Variants in TTC23L observed in about 807,000 individuals in gnomAD.
The protein encoded by TTC23L is tetratricopeptide repeat domain 23 like.
Under a neutral mutation model 48.1 loss-of-function variants are expected in TTC23L, and 42 were observed. That is an observed-to-expected ratio of 0.87 (90% CI 0.68 to 1.13). The LOEUF is 1.13. TTC23L is among the 50% of genes most tolerant of loss of function. TTC23L has a pLI of 0.00. For missense variants in TTC23L, 391 were observed against 421.0 expected, an observed-to-expected ratio of 0.93 and a Z score of 0.62; for synonymous variants, 159 against 157.2, an observed-to-expected ratio of 1.01 and a Z score of -0.09.
At chr5:34,896,708 A>G (rs773355002) in intron 9 of TTC23L, 62 bp from the exon 10 acceptor site, 3 of 752,646 alleles carry the variant, frequency 4.0e-6, no homozygotes, top group Non-Finnish European at 7.4e-6. Flanking sequence ...GAAAGGAGAG[A>G]CAATCTATGA....
intron 8 of TTC23L, among the ~76,000 whole-genome samples, chr5:34,876,891 G>C (rs1228905935): frequency 6.6e-6 from 1 of 152,038 alleles, no homozygotes; most frequent in South Asian, 2.1e-4. Context: ...TAATGTAGAC[G>C]ACGGGTTGAT....
chr5:34,867,388 C>A, intron 7 of TTC23L: 1 of 329,846 alleles, frequency 3.0e-6, no homozygotes. Flanking sequence ...GATACAGGGA[C>A]AACCGAACTT....
chr5:34,902,421 ATAAAT>A (rs1360909260), downstream of TTC23L: 11 of 394,168 alleles, frequency 2.8e-5, no homozygotes, highest in Non-Finnish European at 5.2e-5. Context: ...CCTCTAAAAA[ATAAAT>A]TAATAATAAT....
chr5:34,921,806 C>G, the TTC23L span: 1 of 153,430 alleles, frequency 6.5e-6, no homozygotes, highest in African/African-American at 2.4e-5. Context: ...ACTCCGGAGG[C>G]TGAAGCAGGA....
chr5:34,868,392 A>T (rs72732827), intron 7 of TTC23L: 2,030 of 153,100 alleles, frequency 0.013, 38 homozygotes, highest in Admixed American at 0.059. Context: ...TCTAAGTGTT[A>T]CTCCTTCCAT....
intron 4 of TTC23L, among the ~76,000 whole-genome samples, chr5:34,855,087 C>T (rs958040679): frequency 7.2e-5 from 11 of 152,086 alleles, no homozygotes; most frequent in Admixed American, 5.9e-4. Flanking sequence ...GAAAGTGCCA[C>T]GTCTGTGGAG....
the TTC23L span, chr5:34,914,687 T>G: frequency 6.2e-7 from 1 of 1,614,138 alleles, no homozygotes; most frequent in Non-Finnish European, 8.5e-7. Flanking sequence ...AGGCGCCTAC[T>G]TCCATACCTG....
rs147066396 is a variant in TTC23L, at chr5:34,892,246, C to T, written c.1078-4524C>T. The stretch of plus-strand genomic sequence containing the variant: ...TCCGGAAACTCGTTGACTACACTCA[C>T]TGGACTTTCATTGCTAGGAGCCCGA... On this transcript the variant is annotated intron_variant, in intron 9 of 10. Coordinates refer to ENST00000505624, the Ensembl canonical transcript of TTC23L. 2.5e-3 allele frequency among the ~76,000 whole-genome samples: 384 copies of T among 152,332 alleles called. 2 individuals are homozygous for T. The highest frequency in any genetic ancestry group is 8.5e-3 in the African/African-American group (355 of 41,566).
the TTC23L span, among the ~76,000 whole-genome samples, chr5:34,913,092 CAG>C: frequency 6.6e-6 from 1 of 152,128 alleles, no homozygotes; most frequent in South Asian, 2.1e-4. Context: ...AACTAGGAGT[CAG>C]AACTGGCTTT....
intron 3 of TTC23L, among the ~76,000 whole-genome samples, chr5:34,846,843 G>GT (rs1759241868): frequency 6.6e-6 from 1 of 151,800 alleles, no homozygotes; most frequent in African/African-American, 2.4e-5. Flanking sequence ...GATGCCCTTG[G>GT]TTACAGTGGA....
At position 34,886,749 on chromosome 5, in the gene TTC23L, A is replaced by G. The variant is rs187102917; in HGVS notation, c.1077+6441A>G. Among the ~76,000 whole-genome samples, 74 of 152,320 alleles carry G rather than the reference A, an allele frequency of 4.9e-4. 1 individual carries two copies. Among genetic ancestry groups the G allele is most frequent in the Non-Finnish European group, 8.8e-4 (60 of 68,038 alleles). Reference sequence around the variant, plus strand: ...GTTAGATATGCTGAGGGAGAATATGATACAAAAACTTTAGTTGAGTCCCTA... The same window carrying G: ...GTTAGATATGCTGAGGGAGAATATGGTACAAAAACTTTAGTTGAGTCCCTA... On this transcript the variant is annotated intron_variant, in intron 9 of 10. Transcript: ENST00000505624.
At chr5:34,880,298 G>T (rs765017725) in exon 9 of TTC23L, 1 of 1,608,782 alleles carries the variant, frequency 6.2e-7, no homozygotes. Flanking sequence ...GTCCAAAATG[G>T]AGAAAAACAG....
rs138237868 is a variant in TTC23L, at chr5:34,851,660, G to A, written c.379+1352G>A. Among the ~76,000 whole-genome samples, 531 of 152,338 alleles carry A rather than the reference G, an allele frequency of 3.5e-3. 3 individuals carry two copies. The highest frequency in any genetic ancestry group is 0.012 in the African/African-American group (496 of 41,574). On this transcript the variant is annotated intron_variant, in intron 4 of 10. Coordinates refer to ENST00000505624, the Ensembl canonical transcript of TTC23L. ...CTCTATGAAATTTCAGAGTGACCAG[G>A]AAGGATCTTCCCCTAGTGGCGTTCC...
At chr5:34,921,907 C>CAA in the TTC23L span, 38 of 35,136 alleles carry the variant, frequency 1.1e-3, no homozygotes, top group South Asian at 7.8e-3. Flanking sequence ...AACTGCATCG[C>CAA]AAAAAAAAAA....
chr5:34,904,307 T>C (rs1289417680), downstream of TTC23L, among the ~76,000 whole-genome samples: 2 of 150,882 alleles, frequency 1.3e-5, no homozygotes, highest in Non-Finnish European at 3.0e-5. Context: ...AAAAAGTTTA[T>C]GTAAACGGCT....
At chr5:34,895,739 G>A (rs1763182282) in intron 9 of TTC23L, among the ~76,000 whole-genome samples, 1 of 152,162 alleles carries the variant, frequency 6.6e-6, no homozygotes, top group Admixed American at 6.5e-5. Flanking sequence ...ATGGGGATTT[G>A]GGAGGTGATT....
At chr5:34,912,372 G>A in the TTC23L span, among the ~76,000 whole-genome samples, 3 of 152,130 alleles carry the variant, frequency 2.0e-5, no homozygotes, top group African/African-American at 7.2e-5. Flanking sequence ...ACCACTAGAG[G>A]GAAGGAGGAA....
chr5:34,844,394 G>A (rs111607388), intron 2 of TTC23L, among the ~76,000 whole-genome samples: 4 of 143,984 alleles, frequency 2.8e-5, no homozygotes, highest in African/African-American at 1.0e-4. Context: ...GATTACAGTT[G>A]GCATACAGCT....
chr5:34,920,153 A>G, the TTC23L span: 1 of 219,180 alleles, frequency 4.6e-6, no homozygotes, highest in Middle Eastern at 1.5e-3. Context: ...GTCTAGTATT[A>G]TGCTAAATCC....
Sources: allele counts gnomAD v4.1 joint callset (sites outside exome capture counted in the v4.1 genomes callset), GRCh38; gene constraint gnomAD v4.1.1; transcripts MANE v1.5; gene names NCBI Gene and HGNC (gene_info 2026-07-23, HGNC 2026-07-21).